BMAL1: variants seen among roughly 807,000 people sequenced by gnomAD.
The protein encoded by BMAL1 is basic helix-loop-helix ARNT-like protein 1.
the BMAL1 span, among the ~76,000 whole-genome samples, chr11:13,344,311 T>C: frequency 6.6e-6 from 1 of 152,216 alleles, no homozygotes; most frequent in Non-Finnish European, 1.5e-5. Flanking sequence ...CTCAAGACAC[T>C]TGACTGCCAC....
the BMAL1 span, among the ~76,000 whole-genome samples, chr11:13,364,819 A>T: frequency 7.3e-6 from 1 of 137,156 alleles, no homozygotes; most frequent in Non-Finnish European, 1.5e-5. Flanking sequence ...CTAAGCGGGG[A>T]GTTTTGCTTT....
At chr11:13,352,795 A>G in the BMAL1 span, among the ~76,000 whole-genome samples, 1 of 152,154 alleles carries the variant, frequency 6.6e-6, no homozygotes, top group African/African-American at 2.4e-5. Flanking sequence ...AGTAGCTCAC[A>G]CTCACCCTCC....
the BMAL1 span, among the ~76,000 whole-genome samples, chr11:13,366,989 A>G: frequency 1.3e-5 from 2 of 152,220 alleles, no homozygotes; most frequent in Admixed American, 6.5e-5. Context: ...AAAAATCTCA[A>G]TGTCCAAATT....
chr11:13,328,069 C>T, the BMAL1 span, among the ~76,000 whole-genome samples: 1 of 152,184 alleles, frequency 6.6e-6, no homozygotes, highest in East Asian at 1.9e-4. Flanking sequence ...ATCTGAGATA[C>T]GTATTCACAC....
At chr11:13,347,860 A>C in the BMAL1 span, among the ~76,000 whole-genome samples, 31 of 152,202 alleles carry the variant, frequency 2.0e-4, no homozygotes, top group Non-Finnish European at 3.2e-4. Flanking sequence ...AAAATAATTA[A>C]ATAAGTAAGT....
chr11:13,305,736 G>C, the BMAL1 span, among the ~76,000 whole-genome samples: 623 of 152,290 alleles, frequency 4.1e-3, 6 homozygotes, highest in South Asian at 0.03. Context: ...CTGTGGATTT[G>C]TTGTAGATGC....
At chr11:13,367,433 G>A in the BMAL1 span, among the ~76,000 whole-genome samples, 2 of 152,186 alleles carry the variant, frequency 1.3e-5, no homozygotes, top group African/African-American at 4.8e-5. Flanking sequence ...GGGCGCAGTG[G>A]CTCACATCTG....
chr11:13,343,911 G>A, the BMAL1 span, among the ~76,000 whole-genome samples: 1 of 152,114 alleles, frequency 6.6e-6, no homozygotes, highest in African/African-American at 2.4e-5. Context: ...CCTCTCAACT[G>A]ATCAAGCCCC....
chr11:13,353,281 G>A, the BMAL1 span: 22,774 of 156,610 alleles, frequency 0.15, 2,012 homozygotes, highest in South Asian at 0.32. Context: ...GATCTGGCTG[G>A]TTAGGCAGGT....
chr11:13,351,087 T>C, the BMAL1 span, among the ~76,000 whole-genome samples: 2 of 152,186 alleles, frequency 1.3e-5, no homozygotes, highest in African/African-American at 2.4e-5. Context: ...AGGTCACATT[T>C]TGATAAGGGC....
chr11:13,298,988 C>G, the BMAL1 span, among the ~76,000 whole-genome samples: 1 of 152,124 alleles, frequency 6.6e-6, no homozygotes, highest in Non-Finnish European at 1.5e-5. Flanking sequence ...GCGGTCTGCG[C>G]CCCCAGCTGG....
At chr11:13,381,214 G>A in the BMAL1 span, 5 of 1,614,024 alleles carry the variant, frequency 3.1e-6, no homozygotes, top group African/African-American at 6.7e-5. Context: ...AACATCACGA[G>A]TACGCCTCCC....
At chr11:13,286,264 TCTC>T in the BMAL1 span, among the ~76,000 whole-genome samples, 2 of 152,208 alleles carry the variant, frequency 1.3e-5, no homozygotes, top group African/African-American at 4.8e-5. Context: ...CTCAGTCACT[TCTC>T]CTACTGTATT....
the BMAL1 span, chr11:13,355,422 A>C: frequency 1.1e-6 from 1 of 947,674 alleles, no homozygotes; most frequent in Non-Finnish European, 1.7e-6. Context: ...TTGGCCACAA[A>C]CCCTTTGTCT....
the BMAL1 span, among the ~76,000 whole-genome samples, chr11:13,297,178 T>C: frequency 3.3e-5 from 5 of 152,330 alleles, no homozygotes; most frequent in African/African-American, 1.2e-4. Context: ...TGGCTTTGGT[T>C]TGAATGAGCT....
At chr11:13,341,759 C>G in the BMAL1 span, among the ~76,000 whole-genome samples, 1 of 152,232 alleles carries the variant, frequency 6.6e-6, no homozygotes, top group South Asian at 2.1e-4. Context: ...CAATTAAAGA[C>G]AAAGACAGGC....
At chr11:13,280,754 C>A in the BMAL1 span, among the ~76,000 whole-genome samples, 36 of 152,288 alleles carry the variant, frequency 2.4e-4, no homozygotes, top group Middle Eastern at 3.4e-3. Flanking sequence ...TTTTCTTCTC[C>A]CTCTCATGAA....
the BMAL1 span, chr11:13,354,540 G>T: frequency 1.3e-6 from 2 of 1,502,154 alleles, no homozygotes; most frequent in Non-Finnish European, 8.9e-7. Flanking sequence ...TTTCATCCTG[G>T]AAAAGGGGAT....
chr11:13,385,214 TGAAGTTGGCACCTGTAGTATAA>T, the BMAL1 span, among the ~76,000 whole-genome samples: 1 of 152,258 alleles, frequency 6.6e-6, no homozygotes, highest in South Asian at 2.1e-4. Flanking sequence ...CACAGGTTAC[TGAAGTTGGCACCTGTAGTATAA>T]GAGATTTACT....
Sources: allele counts gnomAD v4.1 joint callset (sites outside exome capture counted in the v4.1 genomes callset), GRCh38; gene constraint gnomAD v4.1.1; transcripts MANE v1.5; gene names NCBI Gene and HGNC (gene_info 2026-07-23, HGNC 2026-07-21).